B3GALT1: variants seen among roughly 807,000 people sequenced by gnomAD.
The protein encoded by B3GALT1 is UDP-Gal:betaGlcNAc beta 1,3-galactosyltransferase, polypeptide 1.
B3GALT1 carries 10 observed loss-of-function variants against 23.2 expected under a neutral mutation model. That is an observed-to-expected ratio of 0.43 (90% confidence interval 0.27 to 0.73). B3GALT1 has a LOEUF of 0.73. Ranked by LOEUF, B3GALT1 falls within the 30% of genes least tolerant of loss-of-function variation. The pLI, the probability that B3GALT1 is intolerant of heterozygous loss-of-function variation, is 0.21. For synonymous variants in B3GALT1, 156 were observed against 141.5 expected, an observed-to-expected ratio of 1.10 and a Z score of -0.73; for missense variants, 299 against 405.4, an observed-to-expected ratio of 0.74 and a Z score of 2.25.
chr2:167,645,976 T>C (rs1685742800), intron 2 of B3GALT1, among the ~76,000 whole-genome samples: 1 of 152,126 alleles, frequency 6.6e-6, no homozygotes. Context: ...TAAATGGAAA[T>C]GCAGAAGTGA....
At chr2:167,445,689 G>C (rs997522503) in intron 1 of B3GALT1, among the ~76,000 whole-genome samples, 1 of 152,022 alleles carries the variant, frequency 6.6e-6, no homozygotes, top group African/African-American at 2.4e-5. Flanking sequence ...TGGAACCCCT[G>C]CTTTTTTTTT....
chr2:167,519,164 G>A (rs1054234163), intron 2 of B3GALT1, among the ~76,000 whole-genome samples: 1 of 151,916 alleles, frequency 6.6e-6, no homozygotes, highest in African/African-American at 2.4e-5. Context: ...TTATGTAAGT[G>A]GACACTTAAA....
intron 2 of B3GALT1, among the ~76,000 whole-genome samples, chr2:167,614,210 T>C (rs1348589841): frequency 6.6e-6 from 1 of 151,620 alleles, no homozygotes; most frequent in Non-Finnish European, 1.5e-5. Flanking sequence ...AAATTGACTA[T>C]GCTTGTTTAT....
chr2:167,734,301 G>GA (rs931232658), intron 3 of B3GALT1, among the ~76,000 whole-genome samples: 12 of 148,550 alleles, frequency 8.1e-5, no homozygotes, highest in South Asian at 6.4e-4. Context: ...ATGTACAGGG[G>GA]AAAAAAAAAA....
Position 167,346,761 on chromosome 2 carries a change from C to CGT in B3GALT1, c.-511+53441_-511+53442dup, listed in dbSNP as rs750555778. Among the ~76,000 whole-genome samples, 173 of 146,400 alleles carry CGT rather than the reference C, an allele frequency of 1.2e-3. 2 individuals are homozygous for CGT. The Middle Eastern group carries it at 0.021, about 18-fold the overall frequency. On this transcript the variant is annotated intron_variant, in intron 1 of 4. Transcript: ENST00000392690. The stretch of plus-strand genomic sequence containing the variant: ...GTGTGTGTGTGGGGGGGGGGTGGTG[C>CGT]GTGTGTGTGTGTGTGCGTGTGTGTG...
intron 3 of B3GALT1, among the ~76,000 whole-genome samples, chr2:167,804,149 C>A (rs1251432313): frequency 1.3e-5 from 2 of 151,946 alleles, no homozygotes; most frequent in Non-Finnish European, 2.9e-5. Flanking sequence ...ACCACCACGT[C>A]CAGCTGATTT....
intron 4 of B3GALT1, among the ~76,000 whole-genome samples, chr2:167,842,505 A>T (rs10930289): frequency 0.14 from 21,131 of 152,272 alleles, 1,817 homozygotes; most frequent in East Asian, 0.39. Flanking sequence ...TAGTAATAAC[A>T]GCACCTAGAT....
At chr2:167,624,866 A>G (rs1286439001) in intron 2 of B3GALT1, among the ~76,000 whole-genome samples, 1 of 152,056 alleles carries the variant, frequency 6.6e-6, no homozygotes, top group Admixed American at 6.6e-5. Context: ...AATAAGCTAT[A>G]ATTAACTACT....
intron 3 of B3GALT1, among the ~76,000 whole-genome samples, chr2:167,785,433 A>G (rs528169357): frequency 3.6e-4 from 55 of 152,252 alleles, no homozygotes; most frequent in African/African-American, 1.3e-3. Flanking sequence ...GATTTCAGAC[A>G]ATAGTGCCAC....
chr2:167,722,169 T>G (rs1687245636), intron 3 of B3GALT1, among the ~76,000 whole-genome samples: 1 of 152,230 alleles, frequency 6.6e-6, no homozygotes, highest in Non-Finnish European at 1.5e-5. Context: ...ATAATGATCA[T>G]AGGCTTTGAG....
At chr2:167,785,845 CTA>C (rs1424481614) in intron 3 of B3GALT1, among the ~76,000 whole-genome samples, 3 of 152,136 alleles carry the variant, frequency 2.0e-5, no homozygotes, top group Non-Finnish European at 4.4e-5. Context: ...TCGTGAAGTC[CTA>C]TGAGAGAAGT....
At chr2:167,352,409 A>C (rs1368008409) in intron 1 of B3GALT1, among the ~76,000 whole-genome samples, 1 of 151,356 alleles carries the variant, frequency 6.6e-6, no homozygotes, top group Non-Finnish European at 1.5e-5. Context: ...TATTGGGAGC[A>C]TGTGAAATAA....
At chr2:167,720,428 G>T (rs1574230084) in intron 3 of B3GALT1, among the ~76,000 whole-genome samples, 1 of 152,218 alleles carries the variant, frequency 6.6e-6, no homozygotes, top group Admixed American at 6.5e-5. Flanking sequence ...CCCAGTTTTT[G>T]TATTCAGATG....
chr2:167,301,620 A>C (rs142576113), intron 1 of B3GALT1, among the ~76,000 whole-genome samples: 6,792 of 152,222 alleles, frequency 0.045, 176 homozygotes, highest in East Asian at 0.11. Context: ...GCACACTCTC[A>C]GCTCACTGCA....
At chr2:167,363,013 G>C (rs112212190) in intron 1 of B3GALT1, among the ~76,000 whole-genome samples, 1 of 151,034 alleles carries the variant, frequency 6.6e-6, no homozygotes, top group African/African-American at 2.5e-5. Context: ...GTGTCACCAC[G>C]CCCGGCTAAT....
intron 1 of B3GALT1, among the ~76,000 whole-genome samples, chr2:167,391,489 A>G (rs1698014049): frequency 1.3e-5 from 2 of 152,324 alleles, no homozygotes; most frequent in Middle Eastern, 3.4e-3. Context: ...GGAATAACTG[A>G]TGAATGAATA....
chr2:167,369,061 TTGTGTGTGTGTGTGTGTGTGTG>T (rs60938716), intron 1 of B3GALT1, among the ~76,000 whole-genome samples: 163 of 146,686 alleles, frequency 1.1e-3, no homozygotes, highest in Middle Eastern at 3.5e-3. Flanking sequence ...AAACTCTTAT[TTGTGTGTGTGTGTGTGTGTGTG>T]TGTGTGTGTG....
intron 3 of B3GALT1, among the ~76,000 whole-genome samples, chr2:167,813,813 A>G (rs2105355676): frequency 6.6e-6 from 1 of 152,334 alleles, no homozygotes; most frequent in East Asian, 1.9e-4. Context: ...TTTCTTAAAG[A>G]TAATAGTATT....
At chr2:167,557,634 C>G (rs1206564218) in intron 2 of B3GALT1, among the ~76,000 whole-genome samples, 1 of 152,180 alleles carries the variant, frequency 6.6e-6, no homozygotes, top group African/African-American at 2.4e-5. Context: ...TCAAAGTGGT[C>G]ATGGACTGCA....
Sources: gnomAD v4.1 joint callset for allele counts (sites outside exome capture counted in the v4.1 genomes callset) on GRCh38, gnomAD v4.1.1 for gene constraint, MANE v1.5 for transcripts, NCBI Gene and HGNC (gene_info 2026-07-23, HGNC 2026-07-21) for gene names.